Variants in PRDM2 observed in about 807,000 individuals in gnomAD.
PRDM2 encodes PR domain zinc finger protein 2.
A neutral mutation model predicts 130.0 loss-of-function variants in PRDM2; 30 were observed. That is an observed-to-expected ratio of 0.23 (90% CI 0.17 to 0.31). The LOEUF (loss-of-function observed/expected upper bound fraction) is 0.31, where lower values mean the gene tolerates loss of function less well. Ranked by LOEUF, PRDM2 falls within the 10% of genes least tolerant of loss-of-function variation. The probability of loss-of-function intolerance (pLI) is 1.00; values close to 1 mark genes in which losing one functional copy is unlikely to be tolerated. For synonymous variants in PRDM2, 871 were observed against 782.4 expected, an observed-to-expected ratio of 1.11 and a Z score of -1.89; for missense variants, 2,011 against 2,108.4, an observed-to-expected ratio of 0.95 and a Z score of 0.90.
Position 13,823,423 on chromosome 1 carries a change from G to A in PRDM2, c.*288G>A. ...ATACTTGGATGCAGCTCTTGGGACC[G>A]TGTTCTGCAGCCCAGCCTTCCTGTT... On this transcript the variant is annotated 3_prime_UTR_variant, in exon 10 of 10. Transcript: ENST00000311066. 9.0e-6 allele frequency: 5 copies of A among 552,888 alleles called. No individual in the cohort carries two copies. The highest frequency in any genetic ancestry group is 3.1e-5 in the East Asian group (1 of 32,392). The allele number at this position is 552,888 out of a possible 1,614,324, so 34.2% of individuals were successfully genotyped here. A position where few individuals can be genotyped will look rare whatever the true frequency, so the allele number is the denominator to read the frequency against.
intron 2 of PRDM2, among the ~76,000 whole-genome samples, chr1:13,715,972 A>G (rs1398977013): frequency 6.6e-6 from 1 of 152,242 alleles, no homozygotes; most frequent in East Asian, 1.9e-4. Context: ...TTTTGTGATT[A>G]TTTGTTGGTT....
intron 6 of PRDM2, among the ~76,000 whole-genome samples, chr1:13,758,573 T>C (rs1467709031): frequency 6.6e-6 from 1 of 152,224 alleles, no homozygotes; most frequent in Non-Finnish European, 1.5e-5. Flanking sequence ...CATTTTTCTT[T>C]CTGTTCTAAC....
intron 1 of PRDM2, among the ~76,000 whole-genome samples, chr1:13,708,595 C>T (rs1034267576): frequency 1.8e-4 from 27 of 152,110 alleles, no homozygotes; most frequent in African/African-American, 6.5e-4. Context: ...TCAGGGCCTG[C>T]GATAGTTGTC....
At position 13,731,017 on chromosome 1, in the gene PRDM2, G is replaced by A; in HGVS notation, c.27G>A (p.Val9=). Residue 9 remains valine, a synonymous_variant, in exon 3 of 10, where the codon GTG becomes GTA. Coordinates refer to ENST00000311066, the MANE Select transcript of PRDM2 (RefSeq NM_001393986.1). ...ACTTGCAGAACACTACTGAGCCTGT[G>A]GCGGCCACCGAGACCCTGGCTGAGG... The part of the protein sequence containing the change: MNQNTTEP[V]AATETLAEVP... 6.2e-7 allele frequency: 1 copy of A among 1,610,528 alleles called. No homozygotes were observed. Among genetic ancestry groups the A allele is most frequent in the Non-Finnish European group, 8.5e-7 (1 of 1,179,416 alleles).
At chr1:13,784,357 G>A (rs574535351) in intron 8 of PRDM2, among the ~76,000 whole-genome samples, 69 of 152,310 alleles carry the variant, frequency 4.5e-4, no homozygotes, top group Non-Finnish European at 8.8e-4. Context: ...TCTTCAACAA[G>A]CAGAGTGTGC....
At chr1:13,758,903 A>G (rs116551162) in intron 6 of PRDM2, among the ~76,000 whole-genome samples, 2,210 of 152,356 alleles carry the variant, frequency 0.015, 71 homozygotes, top group African/African-American at 0.051. Flanking sequence ...AATGAATAAG[A>G]TAATGATACT....
chr1:13,704,284 C>G (rs1455568023), intron 1 of PRDM2, among the ~76,000 whole-genome samples: 2 of 151,756 alleles, frequency 1.3e-5, no homozygotes, highest in African/African-American at 4.8e-5. Flanking sequence ...CCACCCCCAC[C>G]TTCCTGAGGC....
chr1:13,785,508 A>G (rs1557658041), intron 8 of PRDM2, among the ~76,000 whole-genome samples: 1 of 151,884 alleles, frequency 6.6e-6, no homozygotes, highest in East Asian at 1.9e-4. Context: ...TGAGTTTTCT[A>G]CTTAACACTG....
intron 8 of PRDM2, among the ~76,000 whole-genome samples, chr1:13,804,591 C>G (rs1645059261): frequency 6.6e-6 from 1 of 151,382 alleles, no homozygotes; most frequent in African/African-American, 2.4e-5. Context: ...CAACAAGCTC[C>G]GGGGGGGGAA....
chr1:13,816,550 A>G lies in PRDM2; in HGVS notation c.*3A>G, dbSNP rs1376579994. 6.2e-7 allele frequency: 1 copy of G among 1,613,534 alleles called. No homozygotes were observed. Among genetic ancestry groups the G allele is most frequent in the African/African-American group, 1.3e-5 (1 of 74,714 alleles). On this transcript the variant is annotated 3_prime_UTR_variant, in exon 9 of 10. Transcript: ENST00000311066. ...AGGGACCATTCTTCAAAGAGTAGACACTCTGGCTGCTCCCTGACAGGTACG... is the reference window on the plus strand; with the variant it reads ...AGGGACCATTCTTCAAAGAGTAGACGCTCTGGCTGCTCCCTGACAGGTACG...
intron 7 of PRDM2, among the ~76,000 whole-genome samples, chr1:13,774,423 T>C (rs1417937113): frequency 6.6e-6 from 1 of 152,250 alleles, no homozygotes; most frequent in Non-Finnish European, 1.5e-5. Flanking sequence ...TTTTAAGCAC[T>C]GTTTGTGATG....
intron 6 of PRDM2, among the ~76,000 whole-genome samples, chr1:13,756,339 T>G (rs1643953072): frequency 6.6e-6 from 1 of 152,192 alleles, no homozygotes; most frequent in Non-Finnish European, 1.5e-5. Context: ...AAATAGACTT[T>G]TCTTTTAGTT....
chr1:13,749,021 G>C (rs1433459839), intron 5 of PRDM2, among the ~76,000 whole-genome samples: 1 of 152,306 alleles, frequency 6.6e-6, no homozygotes, highest in East Asian at 1.9e-4. Flanking sequence ...CTTAGATTTC[G>C]TGAGCAAAAT....
chr1:13,715,729 T>C, intron 2 of PRDM2, 115 bp downstream of exon 2: 4 of 936,748 alleles, frequency 4.3e-6, no homozygotes, highest in South Asian at 3.8e-5. Context: ...CATTTTTGTT[T>C]CTTAATACCA....
chr1:13,781,995 C>G lies in PRDM2; in HGVS notation c.4200C>G (p.Pro1400=). The change falls in exon 8 of 10, where the codon CCC becomes CCG. Residue 1400 remains proline (P), a synonymous_variant. Transcript: ENST00000311066. The surrounding 1 kb of genome is among the most constrained non-coding windows in gnomAD (Gnocchi z 6.1). ...ATGCCTTCCGACGAATGGGACAGCC[C>G]AAAAGGCTTAACTTTAGTGTTGAGC... is the stretch of plus-strand genomic sequence containing the variant. ...GKNAFRRMGQ[P]KRLNFSVELS... 1 of 1,614,056 alleles carries G rather than the reference C, an allele frequency of 6.2e-7. No homozygotes were observed. Among genetic ancestry groups the G allele is most frequent in the Non-Finnish European group, 8.5e-7 (1 of 1,180,034 alleles).
At chr1:13,741,466 C>G (rs1456280508) in intron 4 of PRDM2, among the ~76,000 whole-genome samples, 1 of 152,150 alleles carries the variant, frequency 6.6e-6, no homozygotes, top group African/African-American at 2.4e-5. Flanking sequence ...GTTCACAATG[C>G]GTGTTCACTC....
chr1:13,714,834 TA>T (rs1642483770), intron 1 of PRDM2, among the ~76,000 whole-genome samples: 2 of 152,228 alleles, frequency 1.3e-5, no homozygotes, highest in Admixed American at 6.5e-5. Context: ...TTTAATTTAT[TA>T]TGAATTACAT....
rs144436616 is a variant in PRDM2, at chr1:13,721,145, T to A, written c.9+5531T>A. On this transcript the variant is annotated intron_variant, in intron 2 of 9. Coordinates refer to ENST00000311066, the MANE Select transcript of PRDM2 (RefSeq NM_001393986.1). ...CCCTTTGCTGTTTGTCTCATTTTGG[T>A]CTTTATACTGTTTCTGAGATTCAGC... 5.3e-5 allele frequency among the ~76,000 whole-genome samples: 8 copies of A among 152,326 alleles called. No homozygotes were observed. In the East Asian group the frequency reaches 1.5e-3, roughly 29 times the overall value.
intron 6 of PRDM2, chr1:13,769,309 A>T (rs536749650): frequency 3.1e-6 from 1 of 320,426 alleles, no homozygotes; most frequent in East Asian, 1.7e-4. Flanking sequence ...TTGATGACAT[A>T]TAGGACAGAA....
Sources: allele counts gnomAD v4.1 joint callset (sites outside exome capture counted in the v4.1 genomes callset), GRCh38; gene constraint gnomAD v4.1.1; non-coding constraint Gnocchi (gnomAD v3.1); transcripts MANE v1.5; gene names NCBI Gene and HGNC (gene_info 2026-07-23, HGNC 2026-07-21).